SPTLC2: variants seen among roughly 807,000 people sequenced by gnomAD.
The protein encoded by SPTLC2 is serine palmitoyltransferase long chain base subunit 2.
In SPTLC2, 21 loss-of-function variants were observed where a neutral mutation model predicts 62.0. That is an observed-to-expected ratio of 0.34 (90% CI 0.24 to 0.49). The LOEUF (loss-of-function observed/expected upper bound fraction) is 0.49, where lower values mean the gene tolerates loss of function less well. SPTLC2 is among the 20% of genes least tolerant of loss of function. The pLI is 0.99. For missense variants in SPTLC2, 511 were observed against 713.0 expected (o/e 0.72, Z 3.23); for synonymous variants, 261 against 261.8 (o/e 1.00, Z 0.03).
At position 77,614,381 on chromosome 14, in the gene SPTLC2, C is replaced by A. The variant is rs192850436; in HGVS notation, c.132+2067G>T. On this transcript the variant is annotated intron_variant, in intron 1 of 11. Transcript: ENST00000216484. ...TCCTTTTTCATTTTAAAAAATCATA[C>A]CGGCCAGGTGCAGTGGCTCACACCC... is the stretch of plus-strand genomic sequence containing the variant. 1.7e-4 allele frequency among the ~76,000 whole-genome samples: 25 copies of A among 151,186 alleles called. 3 individuals are homozygous for A. In the East Asian group the frequency reaches 4.8e-3, roughly 29 times the overall value.
intron 9 of SPTLC2, among the ~76,000 whole-genome samples, chr14:77,550,133 T>C (rs1479593124): frequency 6.6e-6 from 1 of 152,242 alleles, no homozygotes; most frequent in African/African-American, 2.4e-5. Context: ...CTCCACTATG[T>C]GTTTGCAACA....
rs563688042 is a variant in SPTLC2 at position 77,582,343 on chromosome 14, G to A, written c.328-3234C>T. Among the ~76,000 whole-genome samples the A allele has an allele frequency of 5.9e-5, 9 of 152,134 alleles. 1 individual carries two copies. The South Asian group carries it at 6.2e-4, about 11-fold the overall frequency. On this transcript the variant is annotated intron_variant, in intron 2 of 11. Coordinates refer to ENST00000216484, the MANE Select transcript of SPTLC2 (RefSeq NM_004863.4). Reference sequence around the variant, plus strand: ...TGCTGAGATTACAGGCATGAGCTATGGCGCCCGGCCAATCTCATTTCTTTA... The same window carrying A: ...TGCTGAGATTACAGGCATGAGCTATAGCGCCCGGCCAATCTCATTTCTTTA...
rs2079559144 is a variant in SPTLC2, at chr14:77,552,197, T to C, written c.1202A>G (p.His401Arg). Reference protein sequence around the residue: ...KKELIDYLRTHSHSAVYATSL... With the variant: ...KKELIDYLRTRSHSAVYATSL... ...CGTGGCATACACTGCACTATGAGAA[T>C]GTGTTCGCAGGTAGTCTATCAGCTC... The change falls in exon 9 of 12, where the codon CAT (histidine) becomes CGT (arginine). Residue 401 changes from histidine (H) to arginine (R), a missense_variant. Coordinates refer to ENST00000216484, the MANE Select transcript of SPTLC2 (RefSeq NM_004863.4). 1 of 1,614,040 alleles carries C rather than the reference T, an allele frequency of 6.2e-7. No homozygotes were observed.
At chr14:77,615,205 A>T (rs1296473058) in intron 1 of SPTLC2, among the ~76,000 whole-genome samples, 1 of 152,224 alleles carries the variant, frequency 6.6e-6, no homozygotes, top group East Asian at 1.9e-4. Flanking sequence ...AGTGAAAACA[A>T]ATCTTTTGAT....
At chr14:77,590,551 A>G (rs1470879790) in intron 2 of SPTLC2, among the ~76,000 whole-genome samples, 1 of 152,112 alleles carries the variant, frequency 6.6e-6, no homozygotes, top group East Asian at 1.9e-4. Flanking sequence ...CCCTGTCTCT[A>G]CTAAAAACAC....
At chr14:77,539,008 G>A (rs1316387716) in intron 9 of SPTLC2, among the ~76,000 whole-genome samples, 2 of 151,688 alleles carry the variant, frequency 1.3e-5, no homozygotes, top group African/African-American at 4.9e-5. Flanking sequence ...TGGCAATGGG[G>A]ATGATGATGA....
At chr14:77,583,122 C>T (rs1441791883) in intron 2 of SPTLC2, among the ~76,000 whole-genome samples, 2 of 151,702 alleles carry the variant, frequency 1.3e-5, no homozygotes, top group Admixed American at 1.3e-4. Context: ...ATCACTTGAG[C>T]TCAGAAGGTT....
intron 1 of SPTLC2, among the ~76,000 whole-genome samples, chr14:77,607,378 C>T (rs1278216371): frequency 4.6e-5 from 7 of 152,062 alleles, no homozygotes; most frequent in South Asian, 4.1e-4. Flanking sequence ...AAATGGTTTC[C>T]GCCATTAAAA....
At chr14:77,573,490 A>G (rs7145694) in intron 4 of SPTLC2, among the ~76,000 whole-genome samples, 131,059 of 151,708 alleles carry the variant, frequency 0.86, 56,926 homozygotes, top group Middle Eastern at 0.96. Flanking sequence ...AAATTTTTAC[A>G]AAGATTTTAA....
intron 9 of SPTLC2, among the ~76,000 whole-genome samples, chr14:77,527,149 T>G (rs2079413134): frequency 6.6e-6 from 1 of 151,564 alleles, no homozygotes; most frequent in African/African-American, 2.4e-5. Context: ...CAGGCTGCAG[T>G]GCAGTGGTGC....
At chr14:77,526,094 T>G (rs1368683004) in intron 9 of SPTLC2, among the ~76,000 whole-genome samples, 8 of 114,648 alleles carry the variant, frequency 7.0e-5, no homozygotes, top group Non-Finnish European at 1.4e-4. Flanking sequence ...TGTAGACAAA[T>G]CAGTAAGCCC....
At chr14:77,570,639 T>G in intron 4 of SPTLC2, 131 bp from the exon 5 acceptor site, 1 of 1,021,574 alleles carries the variant, frequency 9.8e-7, no homozygotes, top group Non-Finnish European at 1.5e-6. Flanking sequence ...GGAGTCAATA[T>G]TATGAAGAGT....
chr14:77,559,630 C>T (rs1201384008), intron 6 of SPTLC2, among the ~76,000 whole-genome samples: 1 of 152,140 alleles, frequency 6.6e-6, no homozygotes, highest in African/African-American at 2.4e-5. Flanking sequence ...TGAATCACTC[C>T]TGTAATCCCA....
intron 9 of SPTLC2, among the ~76,000 whole-genome samples, chr14:77,543,850 C>A (rs1240194585): frequency 6.6e-6 from 1 of 152,102 alleles, no homozygotes; most frequent in Non-Finnish European, 1.5e-5. Context: ...CAGAAACAAC[C>A]AAAAATGGCA....
chr14:77,515,572 CAG>C (rs1385943455), intron 11 of SPTLC2, among the ~76,000 whole-genome samples: 8 of 122,390 alleles, frequency 6.5e-5, no homozygotes, highest in South Asian at 4.9e-4. Context: ...TTTTTTGAGA[CAG>C]AGTCTCGCAC....
chr14:77,518,264 G>A lies in SPTLC2; in HGVS notation c.1440-97C>T, dbSNP rs976353241. ...TCAAAGATTTCAACTCTTTGGTGAT[G>A]CAGGCATTGGAGACTTCTAATAGGA... is the stretch of plus-strand genomic sequence containing the variant. On this transcript the variant is annotated intron_variant, in intron 10 of 11. Transcript: ENST00000216484. The A allele has an allele frequency of 3.9e-6, 6 of 1,556,416 alleles. No individual in the cohort carries two copies. The African/African-American group carries it at 5.4e-5, about 14-fold the overall frequency.
chr14:77,516,303 TAGATATCCTA>T (rs2079359694), intron 11 of SPTLC2, among the ~76,000 whole-genome samples: 1 of 152,208 alleles, frequency 6.6e-6, no homozygotes, highest in Admixed American at 6.5e-5. Flanking sequence ...GAAATCTCCT[TAGATATCCTA>T]AGGAGATATC....
At chr14:77,543,557 T>C (rs117961388) in intron 9 of SPTLC2, among the ~76,000 whole-genome samples, 189 of 152,312 alleles carry the variant, frequency 1.2e-3, no homozygotes, top group Non-Finnish European at 2.1e-3. Flanking sequence ...CTAAACATTT[T>C]AACAACTTTA....
At chr14:77,530,929 C>T (rs986036673) in intron 9 of SPTLC2, among the ~76,000 whole-genome samples, 1 of 152,188 alleles carries the variant, frequency 6.6e-6, no homozygotes, top group Admixed American at 6.5e-5. Flanking sequence ...CAACAATGCA[C>T]GTTGGCCCAC....
Sources: gnomAD v4.1 joint callset for allele counts (sites outside exome capture counted in the v4.1 genomes callset) on GRCh38, gnomAD v4.1.1 for gene constraint, MANE v1.5 for transcripts, NCBI Gene and HGNC (gene_info 2026-07-23, HGNC 2026-07-21) for gene names.